The following ITGA9 variants were observed in gnomAD, a reference collection of about 807,000 sequenced individuals.
ITGA9 encodes the protein integrin subunit alpha 9.
A neutral mutation model predicts 127.8 loss-of-function variants in ITGA9; 56 were observed. The ratio of observed to expected loss-of-function variants is 0.44; its 90% CI spans 0.35 to 0.55. ITGA9 has a LOEUF of 0.55. Among genes scored for constraint, ITGA9 ranks in the 20% least tolerant of loss-of-function variants. The pLI, the probability that ITGA9 is intolerant of heterozygous loss-of-function variation, is 0.00. For missense variants in ITGA9, 1,196 were observed against 1,347.1 expected, an observed-to-expected ratio of 0.89 and a Z score of 1.76; for synonymous variants, 508 against 514.5, an observed-to-expected ratio of 0.99 and a Z score of 0.17.
At chr3:37,513,644 T>G (rs914919509) in intron 8 of ITGA9, 119 bp from the exon 9 acceptor site, 115 of 1,070,720 alleles carry the variant, frequency 1.1e-4, no homozygotes, top group Non-Finnish European at 1.5e-4. Flanking sequence ...TGTCCATGTG[T>G]TCTCATTGTT....
At position 37,657,498 on chromosome 3, in the gene ITGA9, C is replaced by G. The variant is rs181470228; in HGVS notation, c.1916+3708C>G. Among the ~76,000 whole-genome samples the G allele has an allele frequency of 3.0e-3, 463 of 152,110 alleles. 4 individuals carry two copies. The highest frequency in any genetic ancestry group is 0.01 in the Middle Eastern group (3 of 294). On this transcript the variant is annotated intron_variant, in intron 17 of 27. Transcript: ENST00000264741. ...TGCATAGAAGTGTTTATAGTATTCT[C>G]TGATGGTAGTTTGTATTTCTGTAGG...
chr3:37,538,440 G>A (rs1559531479), intron 14 of ITGA9, among the ~76,000 whole-genome samples: 1 of 152,174 alleles, frequency 6.6e-6, no homozygotes, highest in Non-Finnish European at 1.5e-5. Context: ...GACATGGCAG[G>A]GACACAAGCT....
At chr3:37,744,778 A>G (rs1052668351) in intron 22 of ITGA9, among the ~76,000 whole-genome samples, 11 of 152,272 alleles carry the variant, frequency 7.2e-5, no homozygotes, top group Admixed American at 1.3e-4. Flanking sequence ...GATAACACAG[A>G]AACAAAATTT....
At chr3:37,722,512 T>G (rs1701200951) in intron 18 of ITGA9, among the ~76,000 whole-genome samples, 1 of 152,206 alleles carries the variant, frequency 6.6e-6, no homozygotes, top group Non-Finnish European at 1.5e-5. Context: ...CTACTTTCTT[T>G]CTCTCTAGAT....
At chr3:37,503,711 A>G (rs1183736429) in intron 6 of ITGA9, among the ~76,000 whole-genome samples, 1 of 152,236 alleles carries the variant, frequency 6.6e-6, no homozygotes, top group African/African-American at 2.4e-5. Flanking sequence ...TAGAAAGATA[A>G]GAACTAGAAA....
chr3:37,622,672 C>T (rs893030832), intron 15 of ITGA9, among the ~76,000 whole-genome samples: 3 of 151,866 alleles, frequency 2.0e-5, no homozygotes, highest in Admixed American at 6.6e-5. Flanking sequence ...GTGAAAACCC[C>T]GTCTCTACTA....
intron 23 of ITGA9, among the ~76,000 whole-genome samples, chr3:37,775,494 AAATT>A (rs1412300028): frequency 1.3e-5 from 2 of 152,088 alleles, no homozygotes; most frequent in African/African-American, 4.8e-5. Flanking sequence ...ATACAAAAAA[AAATT>A]AGCCGGGCAT....
intron 18 of ITGA9, among the ~76,000 whole-genome samples, chr3:37,706,029 G>A (rs1701001422): frequency 6.6e-6 from 1 of 152,184 alleles, no homozygotes; most frequent in Non-Finnish European, 1.5e-5. Flanking sequence ...AGCAAAAAGT[G>A]GAAAGACTGG....
Position 37,592,036 on chromosome 3 carries a change from A to G in ITGA9, c.1690-37151A>G, listed in dbSNP as rs1475835265. Reference sequence around the variant, plus strand: ...AGGGGTGGGCTGAGGAGGGGGTGCAACCTCTGCCTTCCCTCCCCACGCCCC... The same window carrying G: ...AGGGGTGGGCTGAGGAGGGGGTGCAGCCTCTGCCTTCCCTCCCCACGCCCC... On this transcript the variant is annotated intron_variant, in intron 15 of 27. Coordinates refer to ENST00000264741, the MANE Select transcript of ITGA9 (RefSeq NM_002207.3). 4.0e-5 allele frequency among the ~76,000 whole-genome samples: 6 copies of G among 151,680 alleles called. No individual in the cohort carries two copies. The East Asian group carries it at 9.8e-4, about 25-fold the overall frequency.
chr3:37,621,148 G>A (rs1700124489), intron 15 of ITGA9, among the ~76,000 whole-genome samples: 1 of 151,540 alleles, frequency 6.6e-6, no homozygotes, highest in Non-Finnish European at 1.5e-5. Context: ...CTTTTATAAG[G>A]GGAAACTCCT....
chr3:37,708,186 A>C (rs963516175), intron 18 of ITGA9, among the ~76,000 whole-genome samples: 3 of 152,172 alleles, frequency 2.0e-5, no homozygotes, highest in Non-Finnish European at 4.4e-5. Context: ...CTGGAACCCA[A>C]ATGTTGTCTG....
At chr3:37,696,012 A>G (rs189427978) in intron 18 of ITGA9, among the ~76,000 whole-genome samples, 1 of 152,254 alleles carries the variant, frequency 6.6e-6, no homozygotes, top group African/African-American at 2.4e-5. Context: ...CCAACACTAC[A>G]GCTGCATTCC....
intron 18 of ITGA9, among the ~76,000 whole-genome samples, chr3:37,702,132 G>A (rs894563964): frequency 6.6e-5 from 10 of 152,124 alleles, no homozygotes; most frequent in African/African-American, 2.4e-4. Flanking sequence ...GGGTGGTGAG[G>A]GTACAGGTCT....
intron 15 of ITGA9, among the ~76,000 whole-genome samples, chr3:37,585,800 C>CCA (rs1553648615): frequency 6.6e-6 from 1 of 152,084 alleles, no homozygotes; most frequent in South Asian, 2.1e-4. Context: ...AAGGGGGCCC[C>CCA]CCCAATTTTA....
At chr3:37,651,435 C>T (rs1352450940) in intron 16 of ITGA9, among the ~76,000 whole-genome samples, 2 of 152,082 alleles carry the variant, frequency 1.3e-5, no homozygotes, top group Admixed American at 1.3e-4. Context: ...ATTTGGCTCC[C>T]CATTTGAGTG....
chr3:37,525,725 G>A (rs1405414548), intron 12 of ITGA9, among the ~76,000 whole-genome samples: 1 of 152,162 alleles, frequency 6.6e-6, no homozygotes, highest in Non-Finnish European at 1.5e-5. Flanking sequence ...AAAGTTATTA[G>A]TGAGGTAGTT....
chr3:37,667,274 G>A (rs1440350400), intron 17 of ITGA9, among the ~76,000 whole-genome samples: 2 of 152,170 alleles, frequency 1.3e-5, no homozygotes. Flanking sequence ...ACATTCTCCA[G>A]TACTATGATA....
At chr3:37,457,988 A>T (rs1698279051) in intron 1 of ITGA9, among the ~76,000 whole-genome samples, 1 of 152,190 alleles carries the variant, frequency 6.6e-6, no homozygotes, top group African/African-American at 2.4e-5. Context: ...GATAACTTCT[A>T]TTGTGATTTG....
intron 23 of ITGA9, among the ~76,000 whole-genome samples, chr3:37,776,592 T>C (rs899263072): frequency 1.3e-5 from 2 of 152,236 alleles, no homozygotes; most frequent in African/African-American, 4.8e-5. Flanking sequence ...TAAAGAAGAC[T>C]TCATTTTTCT....
Sources: allele counts gnomAD v4.1 joint callset (sites outside exome capture counted in the v4.1 genomes callset), GRCh38; gene constraint gnomAD v4.1.1; transcripts MANE v1.5; gene names NCBI Gene and HGNC (gene_info 2026-07-23, HGNC 2026-07-21).